Variants in TACC2 observed in about 807,000 individuals in gnomAD.
The protein encoded by TACC2 is transforming acidic coiled-coil-containing protein 2.
TACC2 carries 137 observed loss-of-function variants against 227.3 expected under a neutral mutation model. The observed-to-expected ratio is 0.60, with a 90% CI of 0.52 to 0.69. The LOEUF (loss-of-function observed/expected upper bound fraction) is 0.69. Among genes scored for constraint, TACC2 ranks in the 30% least tolerant of loss-of-function variants. The pLI is 0.00. For missense variants in TACC2, 3,470 were observed against 3,694.4 expected, an observed-to-expected ratio of 0.94 and a Z score of 1.57; for synonymous variants, 1,523 against 1,487.5, an observed-to-expected ratio of 1.02 and a Z score of -0.55.
At chr10:122,168,434 G>A (rs1394589157) in intron 7 of TACC2, among the ~76,000 whole-genome samples, 1 of 152,102 alleles carries the variant, frequency 6.6e-6, no homozygotes, top group Non-Finnish European at 1.5e-5. Flanking sequence ...AGGAAGCTTG[G>A]GTGCATTTTT....
intron 7 of TACC2, among the ~76,000 whole-genome samples, chr10:122,167,382 T>C (rs1170931486): frequency 6.6e-6 from 1 of 152,170 alleles, no homozygotes; most frequent in Admixed American, 6.5e-5. Context: ...AAGTACAAAA[T>C]GGAAGTTTCA....
At chr10:122,035,409 A>C (rs891994021) in intron 2 of TACC2, among the ~76,000 whole-genome samples, 1 of 152,164 alleles carries the variant, frequency 6.6e-6, no homozygotes, top group African/African-American at 2.4e-5. Flanking sequence ...CAGTGAGTAA[A>C]TACATTTGAA....
chr10:122,181,262 G>C (rs1385130322), intron 7 of TACC2, among the ~76,000 whole-genome samples: 1 of 152,228 alleles, frequency 6.6e-6, no homozygotes, highest in Non-Finnish European at 1.5e-5. Context: ...TGTTGGATGT[G>C]TGGGAAGAGC....
Position 122,070,665 on chromosome 10 carries a change from A to G in TACC2, c.147-11982A>G, listed in dbSNP as rs538779266. On this transcript the variant is annotated intron_variant, in intron 3 of 22. Transcript: ENST00000369005. ...CTACTTGGGAGGCTGAGGCAGGAGA[A>G]TCACTTGAACCCGGGAGGTAGAGGT... Among the ~76,000 whole-genome samples, 4 of 151,500 alleles carry G rather than the reference A, an allele frequency of 2.6e-5. No homozygotes were observed. In the South Asian group the frequency reaches 8.4e-4, roughly 32 times the overall value.
At position 122,198,457 on chromosome 10, in the gene TACC2, A is replaced by G. The variant is rs969760471; in HGVS notation, c.5971+3281A>G. ...TATTAGAACTCAAAACCGGCCACCAAGGGTCATAATTACATGTCATGTAAT... is the reference window on the plus strand; with the variant it reads ...TATTAGAACTCAAAACCGGCCACCAGGGGTCATAATTACATGTCATGTAAT... On this transcript the variant is annotated intron_variant, in intron 8 of 22. Coordinates refer to ENST00000369005, the MANE Select transcript of TACC2 (RefSeq NM_206862.4). 2.6e-5 allele frequency among the ~76,000 whole-genome samples: 4 copies of G among 152,230 alleles called. No homozygotes were observed. The South Asian group carries it at 8.3e-4, about 31-fold the overall frequency.
At chr10:122,182,191 G>A (rs1329992523) in intron 7 of TACC2, among the ~76,000 whole-genome samples, 4 of 152,172 alleles carry the variant, frequency 2.6e-5, no homozygotes, top group Non-Finnish European at 4.4e-5. Flanking sequence ...AGGGAGAAAC[G>A]CTGTGGGAGG....
intron 2 of TACC2, among the ~76,000 whole-genome samples, chr10:122,024,431 C>G (rs1320663843): frequency 1.3e-5 from 2 of 152,180 alleles, no homozygotes; most frequent in Non-Finnish European, 2.9e-5. Context: ...AGGGTAACAT[C>G]TTGCCAAACT....
intron 12 of TACC2, 68 bp downstream of exon 12, chr10:122,224,855 G>A: frequency 1.5e-6 from 2 of 1,312,570 alleles, no homozygotes; most frequent in Non-Finnish European, 2.2e-6. Flanking sequence ...CCTCCCCTGT[G>A]CAGAGTGTCT....
Position 122,210,680 on chromosome 10 carries a change from G to A in TACC2, c.6255G>A (p.Arg2085=), listed in dbSNP as rs1261569123. 6.2e-7 allele frequency: 1 copy of A among 1,614,058 alleles called. No individual in the cohort carries two copies. Among genetic ancestry groups the A allele is most frequent in the South Asian group, 1.1e-5 (1 of 91,060 alleles). ...CCATCTCTAAGTCTACACTGTCCCG[G>A]TCGCTCAGCCTGCAAGCCAGTGACT... The part of the protein sequence containing the change: ...SVPISKSTLS[R]SLSLQASDFD... Residue 2085 remains arginine (R), a synonymous_variant, in exon 9 of 23, where the codon CGG becomes CGA. Transcript: ENST00000369005. This position sits in a 1 kb window ranked among gnomAD's most constrained non-coding sequence, Gnocchi z 4.6.
intron 1 of TACC2, among the ~76,000 whole-genome samples, chr10:122,021,470 G>A (rs935053383): frequency 1.3e-5 from 2 of 152,186 alleles, no homozygotes; most frequent in African/African-American, 4.8e-5. Context: ...TTGTTGGAGA[G>A]CAGTGGATTT....
At chr10:122,169,594 G>A (rs1429061337) in intron 7 of TACC2, among the ~76,000 whole-genome samples, 2 of 152,158 alleles carry the variant, frequency 1.3e-5, no homozygotes, top group African/African-American at 2.4e-5. Context: ...CTGGTTATAC[G>A]GATGATTGGT....
intron 6 of TACC2, among the ~76,000 whole-genome samples, chr10:122,139,262 T>G (rs1262113098): frequency 6.6e-6 from 1 of 152,234 alleles, no homozygotes; most frequent in Non-Finnish European, 1.5e-5. Context: ...ACCAGCCAGT[T>G]CAGGGTTAAC....
intron 2 of TACC2, among the ~76,000 whole-genome samples, chr10:122,039,912 CA>C (rs1207296097): frequency 6.6e-6 from 1 of 152,158 alleles, no homozygotes; most frequent in African/African-American, 2.4e-5. Context: ...TTCCCACACT[CA>C]GCCTGAAACC....
rs534182718 is a variant in TACC2, at chr10:122,097,818, A to G, written c.5573+9227A>G. Among the ~76,000 whole-genome samples, 5 of 152,230 alleles carry G rather than the reference A, an allele frequency of 3.3e-5. No homozygotes were observed. The South Asian group carries it at 8.3e-4, about 25-fold the overall frequency. On this transcript the variant is annotated intron_variant, in intron 5 of 22. Transcript: ENST00000369005. ...CACACCCGACACAAAGTCAGCTTGC[A>G]GTGGAGACTTCGTGGACAAGGTCCC...
intron 3 of TACC2, among the ~76,000 whole-genome samples, chr10:122,054,686 C>T (rs2076045508): frequency 6.6e-6 from 1 of 152,178 alleles, no homozygotes; most frequent in African/African-American, 2.4e-5. Flanking sequence ...TTCGAGATGA[C>T]CGGCTTTTCT....
rs114762109 is a variant in TACC2, at chr10:122,084,009, G to A, written c.1509G>A (p.Thr503=). 2,700 of 1,613,980 alleles carry A rather than the reference G, an allele frequency of 1.7e-3. 33 individuals carry two copies. In the African/African-American group the frequency reaches 0.032, roughly 19 times the overall value. ...AGGAGAGGGGAGAGCACTTGAACACGGAGCAAAGCCATGAGGTCCAACCAG... is the reference window on the plus strand; with the variant it reads ...AGGAGAGGGGAGAGCACTTGAACACAGAGCAAAGCCATGAGGTCCAACCAG... ...SPQERGEHLN[T]EQSHEVQPGV... is the part of the protein sequence containing the mutation. Residue 503 remains threonine, a synonymous_variant, in exon 4 of 23, where the codon ACG becomes ACA. Transcript: ENST00000369005.
At chr10:122,165,711 T>C (rs1184372724) in intron 7 of TACC2, among the ~76,000 whole-genome samples, 2 of 152,228 alleles carry the variant, frequency 1.3e-5, no homozygotes, top group Non-Finnish European at 2.9e-5. Flanking sequence ...CTAGAACTGC[T>C]GCCTCTGAAA....
At chr10:122,066,991 T>C (rs1353859402) in intron 3 of TACC2, among the ~76,000 whole-genome samples, 2 of 152,232 alleles carry the variant, frequency 1.3e-5, no homozygotes, top group African/African-American at 2.4e-5. Context: ...CAGACTTTGT[T>C]CTATTTGGTC....
intron 3 of TACC2, among the ~76,000 whole-genome samples, chr10:122,081,192 T>C (rs184297681): frequency 0.012 from 1,874 of 152,218 alleles, 19 homozygotes; most frequent in Non-Finnish European, 0.02. Flanking sequence ...TTCCACACTT[T>C]GTGTTGGCCA....
Sources: allele counts gnomAD v4.1 joint callset (sites outside exome capture counted in the v4.1 genomes callset), GRCh38; gene constraint gnomAD v4.1.1; non-coding constraint Gnocchi (gnomAD v3.1); transcripts MANE v1.5; gene names NCBI Gene and HGNC (gene_info 2026-07-23, HGNC 2026-07-21).